Variants in PTCH2 observed in about 807,000 individuals in gnomAD.
The protein encoded by PTCH2 is protein patched homolog 2.
In PTCH2, 96 loss-of-function variants were observed where a neutral mutation model predicts 117.9. That is an observed-to-expected ratio of 0.81 (90% confidence interval 0.69 to 0.96). The LOEUF is 0.96. PTCH2 is among the 50% of genes least tolerant of loss of function. The pLI is 0.00. For synonymous variants in PTCH2, 615 were observed against 660.9 expected (o/e 0.93, Z 1.06); for missense variants, 1,379 against 1,562.5 (o/e 0.88, Z 1.98).
chr1:44,829,337 G>A, intron 9 of PTCH2, 25 bp from the exon 10 acceptor site: 1 of 1,613,764 alleles, frequency 6.2e-7, no homozygotes, highest in Admixed American at 1.7e-5. Flanking sequence ...GGCAGTCTCA[G>A]GGGCTCCCAG....
chr1:44,827,668 T>A lies in PTCH2; in HGVS notation c.2105A>T (p.Tyr702Phe). 1 of 1,612,720 alleles carries A rather than the reference T, an allele frequency of 6.2e-7. No individual in the cohort carries two copies. Residue 702 changes from tyrosine (Y) to phenylalanine (F), a missense_variant, in exon 15 of 22, where the codon TAC becomes TTC. Tyr to Phe is a conservative substitution (Grantham distance 22). Coordinates refer to ENST00000372192, the MANE Select transcript of PTCH2 (RefSeq NM_003738.5). ...GCCGTCTTGCACCAAGGTGGCTCCG[T>A]AGAGGCTCAGGCCCAGAAGAGCACC... is the stretch of plus-strand genomic sequence containing the variant. ...LFGALLGLSLYGATLVQDGLA... is the reference protein window; with the variant it reads ...LFGALLGLSLFGATLVQDGLA...
chr1:44,827,829 C>T lies in PTCH2; in HGVS notation c.2058+14G>A, dbSNP rs1188432261. On this transcript the variant is annotated intron_variant, in intron 14 of 21. Transcript: ENST00000372192. ...AGAGATGCTAAGTCTCTGCCCTGCT[C>T]TGCCCAGTCTTACCTTAGCATGTGA... 1.9e-6 allele frequency: 3 copies of T among 1,613,716 alleles called. No individual in the cohort carries two copies. The highest frequency in any genetic ancestry group is 2.5e-6 in the Non-Finnish European group (3 of 1,179,836).
In PTCH2 at chr1:44,826,157, T is replaced by C. The variant is rs1573643000; in HGVS notation, c.3114+93A>G. The C allele has an allele frequency of 6.6e-7, 1 of 1,523,540 alleles. No homozygotes were observed. The highest frequency in any genetic ancestry group is 2.4e-5 in the East Asian group (1 of 40,820). 94.4% of individuals were successfully genotyped at this position (1,523,540 alleles called of 1,614,324 possible). A position where few individuals can be genotyped will look rare whatever the true frequency, so the allele number is the denominator to read the frequency against. ...TACCACGTCCACCCAGCCCAAATTC[T>C]TAAATAGTACCTAGCACATAGTAGG... On this transcript the variant is annotated intron_variant, in intron 19 of 21. Coordinates refer to ENST00000372192, the MANE Select transcript of PTCH2 (RefSeq NM_003738.5). This position sits in a 1 kb window ranked among gnomAD's most constrained non-coding sequence, Gnocchi z 5.1.
At chr1:44,833,618 G>A (rs970241021) in intron 2 of PTCH2, among the ~76,000 whole-genome samples, 1 of 151,138 alleles carries the variant, frequency 6.6e-6, no homozygotes, top group Admixed American at 6.6e-5. Flanking sequence ...TAAATTTTTT[G>A]TAGAGACGAG....
chr1:44,820,104 C>T (rs1460405855), downstream of PTCH2: 3 of 324,890 alleles, frequency 9.2e-6, no homozygotes, highest in Non-Finnish European at 1.8e-5. Context: ...TTTATGCACA[C>T]AGATGCGTGT....
intron 2 of PTCH2, among the ~76,000 whole-genome samples, chr1:44,839,401 A>T (rs1653841843): frequency 6.6e-6 from 1 of 150,536 alleles, no homozygotes. Context: ...AAAAAAAAAG[A>T]TTTTTACCTC....
chr1:44,823,045 G>A lies in PTCH2; in HGVS notation c.3357+24C>T, dbSNP rs1652977585. 3.7e-6 allele frequency: 6 copies of A among 1,606,210 alleles called. No individual in the cohort carries two copies. Among genetic ancestry groups the A allele is most frequent in the Non-Finnish European group, 5.1e-6 (6 of 1,176,158 alleles). On this transcript the variant is annotated intron_variant, in intron 21 of 21. Coordinates refer to ENST00000372192, the MANE Select transcript of PTCH2 (RefSeq NM_003738.5). This position sits in a 1 kb window ranked among gnomAD's most constrained non-coding sequence, Gnocchi z 5.1. ...CCCGTCCCTTGGGCTGGGAGTAGAGGGATGGTGCCGAGGGTGTGGTCACCT... is the reference window on the plus strand; with the variant it reads ...CCCGTCCCTTGGGCTGGGAGTAGAGAGATGGTGCCGAGGGTGTGGTCACCT...
At chr1:44,841,733 G>A in intron 2 of PTCH2, 114 bp downstream of exon 2, 1 of 1,159,218 alleles carries the variant, frequency 8.6e-7, no homozygotes, top group Admixed American at 1.8e-5. Flanking sequence ...TGGCCAGCAG[G>A]TGACCCTCCA....
Position 44,827,879 on chromosome 1 carries a change from A to C in PTCH2, c.2022T>G (p.Tyr674Ter), listed in dbSNP as rs1425302080. ...ARWNLAHFARYQFAPLLLQSH... is the reference protein window; with the variant it reads ...ARWNLAHFAR Reference sequence around the variant, plus strand: ...ACTGGAGCAGCAACGGGGCAAACTGATAGCGGGCGAAATGGGCAAGATTCC... The same window carrying C: ...ACTGGAGCAGCAACGGGGCAAACTGCTAGCGGGCGAAATGGGCAAGATTCC... The change falls in exon 14 of 22, where the codon TAT becomes TAG. Residue 674 changes from tyrosine to a stop codon, truncating the protein, a stop_gained. Coordinates refer to ENST00000372192, the MANE Select transcript of PTCH2 (RefSeq NM_003738.5). LOFTEE classifies it high-confidence loss of function. The C allele has an allele frequency of 6.2e-7, 1 of 1,614,156 alleles. No individual in the cohort carries two copies. The highest frequency in any genetic ancestry group is 1.1e-5 in the South Asian group (1 of 91,090).
At chr1:44,830,533 G>A (rs1268172844) in intron 6 of PTCH2, among the ~76,000 whole-genome samples, 1 of 136,920 alleles carries the variant, frequency 7.3e-6, no homozygotes, top group Non-Finnish European at 1.5e-5. Context: ...AGCCGAGGTT[G>A]CAGTGAGCCA....
chr1:44,827,328 G>A lies in PTCH2; in HGVS notation c.2372-19C>T. The A allele has an allele frequency of 1.2e-6, 2 of 1,613,698 alleles. No homozygotes were observed. Among genetic ancestry groups the A allele is most frequent in the Non-Finnish European group, 1.7e-6 (2 of 1,180,006 alleles). ...TGGATTCCTGGGGGAGACCAGGATA[G>A]GGTTCTATTAGCTGGTGGCCCCAGG... On this transcript the variant is annotated intron_variant, in intron 15 of 21. Coordinates refer to ENST00000372192, the MANE Select transcript of PTCH2 (RefSeq NM_003738.5).
intron 2 of PTCH2, among the ~76,000 whole-genome samples, chr1:44,839,171 G>A (rs1653820407): frequency 1.3e-5 from 2 of 152,106 alleles, no homozygotes; most frequent in South Asian, 2.1e-4. Context: ...TCAGGAGATC[G>A]AGGCCAGCAT....
At position 44,826,640 on chromosome 1, in the gene PTCH2, C is replaced by G. The variant is rs758428613; in HGVS notation, c.2824G>C (p.Val942Leu). 1 of 1,612,586 alleles carries G rather than the reference C, an allele frequency of 6.2e-7. No homozygotes were observed. The highest frequency in any genetic ancestry group is 1.7e-5 in the Admixed American group (1 of 59,990). Reference protein sequence around the residue: ...AACAEAGQAGVHAYPSGSPFL... With the variant: ...AACAEAGQAGLHAYPSGSPFL... ...GGGGAGCCGCTGGGGTAGGCGTGCA[C>G]CCCAGCCTGGCCGGCCTCTGCGCAT... The change falls in exon 18 of 22, where the codon GTG (valine) becomes CTG (leucine). Residue 942 changes from valine to leucine, a missense_variant. By Grantham distance (32) the Val-to-Leu change is conservative. Transcript: ENST00000372192. The surrounding 1 kb of genome is among the most constrained non-coding windows in gnomAD (Gnocchi z 5.1).
At position 44,822,155 on chromosome 1, in the gene PTCH2, A is replaced by G; in HGVS notation, c.*260T>C. 1 of 1,409,462 alleles carries G rather than the reference A, an allele frequency of 7.1e-7. No individual in the cohort carries two copies. Among genetic ancestry groups the G allele is most frequent in the East Asian group, 2.7e-5 (1 of 37,384 alleles). The allele number at this position is 1,409,462 out of a possible 1,614,324, so 87.3% of individuals were successfully genotyped here. On this transcript the variant is annotated 3_prime_UTR_variant, in exon 22 of 22. Coordinates refer to ENST00000372192, the MANE Select transcript of PTCH2 (RefSeq NM_003738.5). ...GGGCAGGCAGTGGTGTGGGGTGGGAAGGGGGACAGGGCTGCACTGCAGCCC... is the reference window on the plus strand; with the variant it reads ...GGGCAGGCAGTGGTGTGGGGTGGGAGGGGGGACAGGGCTGCACTGCAGCCC...
intron 2 of PTCH2, among the ~76,000 whole-genome samples, chr1:44,840,166 G>A (rs908590271): frequency 2.0e-5 from 3 of 149,436 alleles, no homozygotes; most frequent in East Asian, 4.0e-4. Flanking sequence ...GCAGTGCGGC[G>A]ATCTTGGCTC....
chr1:44,832,223 T>C lies in PTCH2; in HGVS notation c.384A>G (p.Thr128=), dbSNP rs1259124540. Residue 128 remains threonine, a synonymous_variant, in exon 3 of 22, where the codon ACA becomes ACG. Coordinates refer to ENST00000372192, the MANE Select transcript of PTCH2 (RefSeq NM_003738.5). The part of the protein sequence containing the change: ...TARQEGENIL[T]PEALGLHLQA... ...GGAGGTGGAGGCCAAGTGCTTCGGG[T>C]GTGAGGATGTTCTCTCCCTCCTGGC... 2 of 1,613,736 alleles carry C rather than the reference T, an allele frequency of 1.2e-6. No individual in the cohort carries two copies. The highest frequency in any genetic ancestry group is 2.2e-5 in the East Asian group (1 of 44,868).
chr1:44,828,486 C>A lies in PTCH2; in HGVS notation c.1590+20G>T. The A allele has an allele frequency of 6.2e-7, 1 of 1,614,158 alleles. No individual in the cohort carries two copies. The highest frequency in any genetic ancestry group is 8.5e-7 in the Non-Finnish European group (1 of 1,180,024). ...TCAGCCCCACACCCACCCTGAGCTG[C>A]CCCGTGTGAGAGGCCTCACCTGTAG... On this transcript the variant is annotated intron_variant, in intron 12 of 21. Coordinates refer to ENST00000372192, the MANE Select transcript of PTCH2 (RefSeq NM_003738.5).
intron 2 of PTCH2, among the ~76,000 whole-genome samples, chr1:44,833,840 C>T (rs67408784): frequency 0.21 from 31,784 of 150,638 alleles, 3,598 homozygotes; most frequent in African/African-American, 0.28. Context: ...CCACCGCACC[C>T]GGCCCCAAGT....
intron 2 of PTCH2, among the ~76,000 whole-genome samples, chr1:44,839,270 G>C (rs1387102243): frequency 6.8e-6 from 1 of 147,014 alleles, no homozygotes; most frequent in Non-Finnish European, 1.5e-5. Flanking sequence ...AGCTACTCTG[G>C]AGAATCGCTT....
Sources: allele counts gnomAD v4.1 joint callset (sites outside exome capture counted in the v4.1 genomes callset), GRCh38; gene constraint gnomAD v4.1.1; non-coding constraint Gnocchi (gnomAD v3.1); transcripts MANE v1.5; gene names NCBI Gene and HGNC (gene_info 2026-07-23, HGNC 2026-07-21).